MICU1: variants seen among roughly 807,000 people sequenced by gnomAD.
MICU1 encodes mitochondrial calcium uptake 1.
In MICU1, 45 loss-of-function variants were observed where a neutral mutation model predicts 56.8. The ratio of observed to expected loss-of-function variants is 0.79; its 90% confidence interval spans 0.62 to 1.02. MICU1 has a LOEUF of 1.02. MICU1 is among the 50% of genes least tolerant of loss of function. The pLI, the probability that MICU1 is intolerant of heterozygous loss-of-function variation, is 0.00. For missense variants in MICU1, 504 were observed against 587.1 expected (o/e 0.86, Z 1.46); for synonymous variants, 186 against 195.1 (o/e 0.95, Z 0.39).
chr10:72,427,032 TG>T (rs770916284), intron 8 of MICU1, among the ~76,000 whole-genome samples: 2 of 152,242 alleles, frequency 1.3e-5, no homozygotes, highest in African/African-American at 2.4e-5. Context: ...TCTACTTCAA[TG>T]AAAATTAAAA....
chr10:72,512,825 C>T (rs1867521921), intron 5 of MICU1, among the ~76,000 whole-genome samples: 2 of 152,260 alleles, frequency 1.3e-5, no homozygotes, highest in South Asian at 4.1e-4. Context: ...CCATCTCAGC[C>T]TCCCCAGTAG....
At chr10:72,448,915 C>T (rs543265442) in intron 8 of MICU1, among the ~76,000 whole-genome samples, 59 of 152,252 alleles carry the variant, frequency 3.9e-4, no homozygotes, top group African/African-American at 1.3e-3. Context: ...CCTTGCTAGA[C>T]AATTAAGCTT....
In MICU1 at chr10:72,514,553, T is replaced by C. The variant is rs553502534; in HGVS notation, c.538-6284A>G. On this transcript the variant is annotated intron_variant, in intron 5 of 11. Transcript: ENST00000361114. ...CTCTTCTTGTAAAGACCTGTGACCTTTGTCATAGGTCGTCACTCAAGTCTC... is the reference window on the plus strand; with the variant it reads ...CTCTTCTTGTAAAGACCTGTGACCTCTGTCATAGGTCGTCACTCAAGTCTC... 3.3e-5 allele frequency among the ~76,000 whole-genome samples: 5 copies of C among 152,316 alleles called. No individual in the cohort carries two copies. The East Asian group carries it at 9.6e-4, about 29-fold the overall frequency.
chr10:72,387,439 G>C (rs1862926885), intron 10 of MICU1, among the ~76,000 whole-genome samples: 1 of 152,158 alleles, frequency 6.6e-6, no homozygotes, highest in African/African-American at 2.4e-5. Flanking sequence ...GTTGTTCTAG[G>C]CTCTGAATAG....
chr10:72,477,488 T>TC, intron 6 of MICU1: 1 of 1,485,256 alleles, frequency 6.7e-7, no homozygotes, highest in Non-Finnish European at 9.0e-7. Flanking sequence ...ACAGCACTTG[T>TC]CTACCTTTTT....
In MICU1 at chr10:72,587,304, C is replaced by CA. The variant is rs1314899018; in HGVS notation, c.-1-20511dup. On this transcript the variant is annotated intron_variant, in intron 1 of 11. Transcript: ENST00000361114. ...CCAATACAGCAAGACCCCACATTTACAAAAAATAAAAAATTAGCCAAGCAT... is the reference window on the plus strand; with the variant it reads ...CCAATACAGCAAGACCCCACATTTACAAAAAAATAAAAAATTAGCCAAGCAT... Among the ~76,000 whole-genome samples the CA allele has an allele frequency of 2.0e-5, 3 of 151,616 alleles. No homozygotes were observed. In the East Asian group the frequency reaches 5.8e-4, roughly 29 times the overall value.
chr10:72,597,139 T>C lies in MICU1; in HGVS notation c.-2+28871A>G, dbSNP rs529812111. Among the ~76,000 whole-genome samples the C allele has an allele frequency of 1.7e-3, 263 of 152,292 alleles. 1 individual carries two copies. Among genetic ancestry groups the C allele is most frequent in the African/African-American group, 5.9e-3 (246 of 41,562 alleles). On this transcript the variant is annotated intron_variant, in intron 1 of 11. Coordinates refer to ENST00000361114, the MANE Select transcript of MICU1 (RefSeq NM_001195518.2). ...AATTTAAAAAAATTTTATTTCACAC[T>C]ATATGGCATTTTCCGTTTATAAACA...
At chr10:72,522,318 A>C (rs548110039) in intron 5 of MICU1, among the ~76,000 whole-genome samples, 1 of 152,302 alleles carries the variant, frequency 6.6e-6, no homozygotes, top group Non-Finnish European at 1.5e-5. Flanking sequence ...CTAAAGATGA[A>C]GGTGTAAGAA....
intron 8 of MICU1, among the ~76,000 whole-genome samples, chr10:72,469,753 A>G (rs1865895855): frequency 6.6e-6 from 1 of 152,174 alleles, no homozygotes; most frequent in African/African-American, 2.4e-5. Context: ...ACTACAGACT[A>G]GGACTTTTTC....
rs769928194 is a variant in MICU1 at position 72,562,917 on chromosome 10, C to T, written c.308G>A (p.Arg103His). ...APHPEEKKKKRSGFRDRKVME... is the reference protein window; with the variant it reads ...APHPEEKKKKHSGFRDRKVME... ...TACTTTTCTGTCTCTGAATCCAGAA[C>T]GTTTCTTCTTTTTCTCTTCTGGGTG... is the stretch of plus-strand genomic sequence containing the variant. Residue 103 changes from arginine (R) to histidine (H), a missense_variant, in exon 3 of 12, where the codon CGT (arginine) becomes CAT (histidine). Physicochemically the swap from Arg to His is conservative, Grantham distance 29 (BLOSUM62 0). Coordinates refer to ENST00000361114, the MANE Select transcript of MICU1 (RefSeq NM_001195518.2). 90 of 1,596,448 alleles carry T rather than the reference C, an allele frequency of 5.6e-5. No homozygotes were observed. Among genetic ancestry groups the T allele is most frequent in the Middle Eastern group, 1.7e-4 (1 of 6,010 alleles).
intron 10 of MICU1, among the ~76,000 whole-genome samples, chr10:72,388,024 A>C (rs767150804): frequency 6.6e-5 from 10 of 152,176 alleles, no homozygotes; most frequent in Non-Finnish European, 1.3e-4. Flanking sequence ...AGATCTGGAA[A>C]CTGAGGCTTT....
chr10:72,434,660 A>C (rs988631942), intron 8 of MICU1, among the ~76,000 whole-genome samples: 1 of 152,210 alleles, frequency 6.6e-6, no homozygotes, highest in African/African-American at 2.4e-5. Flanking sequence ...AAAATATAAC[A>C]GCTCCAAATT....
intron 6 of MICU1, among the ~76,000 whole-genome samples, chr10:72,502,157 T>G (rs1448796834): frequency 6.2e-5 from 6 of 97,154 alleles, no homozygotes; most frequent in African/African-American, 2.0e-4. Flanking sequence ...TTTTTTTTTT[T>G]GTTTTTTTTT....
chr10:72,573,920 A>C (rs1840678463), intron 1 of MICU1, among the ~76,000 whole-genome samples: 1 of 152,186 alleles, frequency 6.6e-6, no homozygotes, highest in African/African-American at 2.4e-5. Context: ...TTTTATTTTG[A>C]GTACTGGCAC....
At chr10:72,459,591 T>C (rs1211778124) in intron 8 of MICU1, among the ~76,000 whole-genome samples, 4 of 152,174 alleles carry the variant, frequency 2.6e-5, no homozygotes, top group African/African-American at 9.7e-5. Context: ...CTTTATTCTG[T>C]ACAACTTAAA....
chr10:72,559,650 C>A (rs1840243617), intron 3 of MICU1, among the ~76,000 whole-genome samples: 1 of 151,800 alleles, frequency 6.6e-6, no homozygotes, highest in Non-Finnish European at 1.5e-5. Flanking sequence ...AATATTGAGA[C>A]CTCTACAATG....
intron 5 of MICU1, among the ~76,000 whole-genome samples, chr10:72,526,950 A>AG (rs974635606): frequency 1.1e-4 from 16 of 144,086 alleles, no homozygotes; most frequent in African/African-American, 3.2e-4. Flanking sequence ...AAAAAAAAAA[A>AG]AAGAAAGCAC....
intron 7 of MICU1, 82 bp from the exon 8 acceptor site, chr10:72,475,379 T>C: frequency 1.6e-6 from 2 of 1,260,772 alleles, no homozygotes; most frequent in East Asian, 2.5e-5. Context: ...ATCATAACTA[T>C]TGTTTACTAT....
intron 8 of MICU1, among the ~76,000 whole-genome samples, chr10:72,469,437 G>A (rs1047920659): frequency 1.3e-5 from 2 of 152,140 alleles, no homozygotes; most frequent in Non-Finnish European, 2.9e-5. Context: ...TGGCTGTGAT[G>A]ATGAGATTAT....
Sources: allele counts gnomAD v4.1 joint callset (sites outside exome capture counted in the v4.1 genomes callset), GRCh38; gene constraint gnomAD v4.1.1; transcripts MANE v1.5; gene names NCBI Gene and HGNC (gene_info 2026-07-23, HGNC 2026-07-21).